Variants in KIAA1217 observed in about 807,000 individuals in gnomAD.
The protein encoded by KIAA1217 is sickle tail protein homolog.
In KIAA1217, 88 loss-of-function variants were observed where a neutral mutation model predicts 163.9. The observed-to-expected ratio is 0.54, with a 90% CI of 0.45 to 0.64. The LOEUF (loss-of-function observed/expected upper bound fraction) is 0.64. Ranked by LOEUF, KIAA1217 falls within the 30% of genes least tolerant of loss-of-function variation. KIAA1217 has a pLI of 0.00. For synonymous variants in KIAA1217, 903 were observed against 923.1 expected (o/e 0.98, Z 0.39); for missense variants, 2,372 against 2,475.0 (o/e 0.96, Z 0.88).
Position 24,367,487 on chromosome 10 carries a change from T to C in KIAA1217, c.355-13382T>C, listed in dbSNP as rs528256736. On this transcript the variant is annotated intron_variant, in intron 2 of 20. Coordinates refer to ENST00000376454, the MANE Select transcript of KIAA1217 (RefSeq NM_019590.5). The stretch of plus-strand genomic sequence containing the variant: ...GATTGGATTGTGGAATCAGCAGTAA[T>C]GCAACCACAAGCTGGAGATCTTTGA... Among the ~76,000 whole-genome samples the C allele has an allele frequency of 2.6e-5, 4 of 152,336 alleles. No homozygotes were observed. The South Asian group carries it at 6.2e-4, about 24-fold the overall frequency.
chr10:24,480,873 C>T (rs2064593203), intron 6 of KIAA1217, among the ~76,000 whole-genome samples: 1 of 152,166 alleles, frequency 6.6e-6, no homozygotes, highest in South Asian at 2.1e-4. Flanking sequence ...AGTATCAAAA[C>T]TGCTTCGAAG....
At chr10:24,499,696 C>T (rs1461944666) in intron 8 of KIAA1217, among the ~76,000 whole-genome samples, 2 of 151,530 alleles carry the variant, frequency 1.3e-5, no homozygotes, top group Admixed American at 6.6e-5. Flanking sequence ...CATGCCACTG[C>T]ACTCCAGCCT....
chr10:24,038,885 AG>A (rs1188987017), intron 2 of KIAA1217, among the ~76,000 whole-genome samples: 1 of 150,846 alleles, frequency 6.6e-6, no homozygotes, highest in Non-Finnish European at 1.5e-5. Flanking sequence ...TTGGGACTCT[AG>A]GCATGTGCCA....
chr10:23,811,977 TG>T (rs1268831304), intron 1 of KIAA1217, among the ~76,000 whole-genome samples: 2 of 152,052 alleles, frequency 1.3e-5, no homozygotes, highest in Admixed American at 6.6e-5. Flanking sequence ...CCCAGCTGTT[TG>T]GGGGGCTGAG....
chr10:24,044,193 C>T (rs1848821371), intron 2 of KIAA1217, among the ~76,000 whole-genome samples: 1 of 152,044 alleles, frequency 6.6e-6, no homozygotes, highest in South Asian at 2.1e-4. Context: ...CATATAGCAC[C>T]AATAGAAACC....
Position 24,282,007 on chromosome 10 carries a change from A to C in KIAA1217, c.354+62098A>C, listed in dbSNP as rs182914548. 1.7e-3 allele frequency among the ~76,000 whole-genome samples: 259 copies of C among 152,184 alleles called. 4 individuals are homozygous for C. Among genetic ancestry groups the C allele is most frequent in the African/African-American group, 5.7e-3 (237 of 41,520 alleles). ...AGGAGGCGGAGCTTGCAGTGAGCGG[A>C]GATCACACCACTGCACTCCAGCCTG... is the stretch of plus-strand genomic sequence containing the variant. On this transcript the variant is annotated intron_variant, in intron 2 of 20. Coordinates refer to ENST00000376454, the MANE Select transcript of KIAA1217 (RefSeq NM_019590.5).
intron 2 of KIAA1217, among the ~76,000 whole-genome samples, chr10:24,064,252 C>T (rs2060848195): frequency 1.3e-5 from 2 of 152,132 alleles, no homozygotes; most frequent in South Asian, 2.1e-4. Context: ...AGTTTTTCTC[C>T]ATTCAGTATG....
intron 2 of KIAA1217, among the ~76,000 whole-genome samples, chr10:24,359,647 A>G (rs981751841): frequency 6.6e-6 from 1 of 152,218 alleles, no homozygotes; most frequent in Non-Finnish European, 1.5e-5. Flanking sequence ...CAGAAATTAT[A>G]CTTTCAACCA....
chr10:24,430,039 A>AG (rs2059470886), intron 3 of KIAA1217, among the ~76,000 whole-genome samples: 1 of 152,134 alleles, frequency 6.6e-6, no homozygotes, highest in South Asian at 2.1e-4. Flanking sequence ...CCAGGTACTC[A>AG]GGGGGCTGAG....
chr10:24,290,675 C>T (rs891439564), intron 2 of KIAA1217, among the ~76,000 whole-genome samples: 5 of 147,998 alleles, frequency 3.4e-5, no homozygotes, highest in Admixed American at 6.7e-5. Context: ...GTGATCTCGG[C>T]TCACTGCGAC....
intron 2 of KIAA1217, among the ~76,000 whole-genome samples, chr10:24,143,155 A>C (rs2131838602): frequency 6.6e-6 from 1 of 152,302 alleles, no homozygotes; most frequent in African/African-American, 2.4e-5. Flanking sequence ...TTCTGCATAG[A>C]AATCTCATGG....
intron 2 of KIAA1217, among the ~76,000 whole-genome samples, chr10:24,347,732 T>G (rs957494045): frequency 2.0e-5 from 3 of 152,188 alleles, no homozygotes; most frequent in African/African-American, 7.2e-5. Flanking sequence ...ATACAACAAA[T>G]TCCATGCCAG....
intron 1 of KIAA1217, among the ~76,000 whole-genome samples, chr10:23,881,165 G>A (rs1055752657): frequency 3.3e-5 from 5 of 151,344 alleles, no homozygotes; most frequent in African/African-American, 9.7e-5. Context: ...TGTCTGTTTC[G>A]ATGAAAGGTA....
At chr10:24,447,484 G>T (rs533903998) in intron 5 of KIAA1217, among the ~76,000 whole-genome samples, 12 of 152,170 alleles carry the variant, frequency 7.9e-5, no homozygotes, top group African/African-American at 2.9e-4. Context: ...AGAACATGTG[G>T]TGTTTGGTTT....
At chr10:23,895,601 A>G (rs1224717118) in intron 1 of KIAA1217, among the ~76,000 whole-genome samples, 1 of 152,146 alleles carries the variant, frequency 6.6e-6, no homozygotes, top group African/African-American at 2.4e-5. Flanking sequence ...TCAGAGATCT[A>G]GAACTAGAAA....
chr10:23,970,049 C>T (rs918837225), intron 1 of KIAA1217, among the ~76,000 whole-genome samples: 2 of 152,276 alleles, frequency 1.3e-5, no homozygotes, highest in East Asian at 1.9e-4. Context: ...CCCCGTGATT[C>T]GATTATCTCC....
At chr10:24,200,291 C>G (rs2067194570) in intron 2 of KIAA1217, among the ~76,000 whole-genome samples, 1 of 151,444 alleles carries the variant, frequency 6.6e-6, no homozygotes. Flanking sequence ...TCACTGCACT[C>G]TCAAACTCCC....
intron 1 of KIAA1217, among the ~76,000 whole-genome samples, chr10:23,876,422 C>A (rs553979925): frequency 6.6e-6 from 1 of 151,828 alleles, no homozygotes; most frequent in South Asian, 2.1e-4. Flanking sequence ...ATACCCCACA[C>A]CTCAGCATCA....
chr10:24,445,050 A>G (rs1262664746), intron 5 of KIAA1217, among the ~76,000 whole-genome samples: 1 of 152,210 alleles, frequency 6.6e-6, no homozygotes, highest in African/African-American at 2.4e-5. Context: ...TCGTTGTTCT[A>G]GATAGAAGAT....
Sources: allele counts gnomAD v4.1 joint callset (sites outside exome capture counted in the v4.1 genomes callset), GRCh38; gene constraint gnomAD v4.1.1; transcripts MANE v1.5; gene names NCBI Gene and HGNC (gene_info 2026-07-23, HGNC 2026-07-21).